Variants in KLHDC4 observed in about 807,000 individuals in gnomAD.
The protein encoded by KLHDC4 is kelch domain-containing protein 4.
A neutral mutation model predicts 62.4 loss-of-function variants in KLHDC4; 90 were observed. That is an observed-to-expected ratio of 1.44 (90% CI 1.22 to 1.72). The LOEUF (loss-of-function observed/expected upper bound fraction) is 1.72. Ranked by LOEUF, KLHDC4 falls within the 40% of genes most tolerant of loss-of-function variation. The pLI is 0.00. For missense variants in KLHDC4, 1,025 were observed against 699.7 expected (o/e 1.47, Z -5.25); for synonymous variants, 386 against 284.4 (o/e 1.36, Z -3.59).
chr16:87,746,566 G>C (rs529561420), intron 5 of KLHDC4, among the ~76,000 whole-genome samples: 1 of 152,162 alleles, frequency 6.6e-6, no homozygotes, highest in Non-Finnish European at 1.5e-5. Context: ...ACGTCTCAAA[G>C]CAATGCTCCG....
At chr16:87,731,332 A>T (rs937573489) in intron 5 of KLHDC4, among the ~76,000 whole-genome samples, 2 of 152,126 alleles carry the variant, frequency 1.3e-5, no homozygotes, top group Non-Finnish European at 2.9e-5. Flanking sequence ...TCAGACTCCC[A>T]AAGTGCTGAG....
At chr16:87,726,213 C>T (rs1210721593) in intron 7 of KLHDC4, among the ~76,000 whole-genome samples, 3 of 145,826 alleles carry the variant, frequency 2.1e-5, no homozygotes, top group East Asian at 2.0e-4. Flanking sequence ...GCGCCTCGCC[C>T]GTCTCCCCAC....
At chr16:87,760,686 T>C (rs1215845170) in intron 2 of KLHDC4, among the ~76,000 whole-genome samples, 1 of 151,018 alleles carries the variant, frequency 6.6e-6, no homozygotes, top group East Asian at 2.0e-4. Context: ...AGGAGTGCTA[T>C]ATATCAGAAG....
chr16:87,761,669 C>A (rs970332666), intron 2 of KLHDC4, among the ~76,000 whole-genome samples: 3 of 152,142 alleles, frequency 2.0e-5, no homozygotes, highest in Admixed American at 1.3e-4. Context: ...CTCACTGGGG[C>A]AAAACTTTCA....
intron 2 of KLHDC4, among the ~76,000 whole-genome samples, chr16:87,759,223 A>C (rs1796722099): frequency 6.6e-6 from 1 of 151,970 alleles, no homozygotes; most frequent in Admixed American, 6.6e-5. Flanking sequence ...ATTTTGTTAA[A>C]CATTTTACCA....
chr16:87,709,688 C>A, intron 9 of KLHDC4, 21 bp from the exon 10 acceptor site: 1 of 1,552,004 alleles, frequency 6.4e-7, no homozygotes, highest in South Asian at 1.2e-5. Flanking sequence ...ACCGAGGAAG[C>A]AGAGAGCAGC....
rs747770240 is a variant in KLHDC4 at position 87,709,635 on chromosome 16, C to G, written c.1077G>C (p.Arg359=). 4.5e-5 allele frequency: 73 copies of G among 1,606,384 alleles called. No individual in the cohort carries two copies. The highest frequency in any genetic ancestry group is 6.7e-5 in the African/African-American group (5 of 74,802). Residue 359 remains arginine (R), a synonymous_variant, in exon 10 of 12, where the codon CGG becomes CGC. Transcript: ENST00000270583. ...CACCTTCGGGCTCCTCTTTTCTGCCCCGCCTGCGTTTCTTCTTTTCAGACT... is the reference window on the plus strand; with the variant it reads ...CACCTTCGGGCTCCTCTTTTCTGCCGCGCCTGCGTTTCTTCTTTTCAGACT... ...GPKSEKKKRR[R]GRKEEPEGGS...
At chr16:87,703,300 C>T (rs1328500416), downstream of KLHDC4, 3 of 152,118 alleles carry the variant, frequency 2.0e-5, no homozygotes, top group South Asian at 2.1e-4. Context: ...GGTCCTGTCT[C>T]GCTGGCTCAC....
At chr16:87,700,372 A>G (rs1234728061) in exon 1 of KLHDC4, 1 of 155,252 alleles carries the variant, frequency 6.4e-6, no homozygotes, top group Non-Finnish European at 1.5e-5. Flanking sequence ...TCAGGACATC[A>G]TGATGCCGCC....
chr16:87,762,184 T>G (rs551478875), intron 1 of KLHDC4, 144 bp from the exon 2 acceptor site: 5 of 1,456,510 alleles, frequency 3.4e-6, no homozygotes, highest in African/African-American at 2.9e-5. Flanking sequence ...CTGTTTGAAA[T>G]GCAGAGTTTG....
chr16:87,743,926 G>A (rs2042631120), intron 5 of KLHDC4, among the ~76,000 whole-genome samples: 1 of 151,972 alleles, frequency 6.6e-6, no homozygotes, highest in African/African-American at 2.4e-5. Context: ...TGCTGTCACT[G>A]CCTAAATGCG....
intron 1 of KLHDC4, chr16:87,763,484 G>C (rs929915524): frequency 6.6e-6 from 1 of 152,188 alleles, no homozygotes; most frequent in Non-Finnish European, 1.5e-5. Context: ...CACACCTGTA[G>C]TCCCAAACTA....
chr16:87,706,344 G>T (rs1389870531), downstream of KLHDC4, among the ~76,000 whole-genome samples: 1 of 127,326 alleles, frequency 7.9e-6, no homozygotes, highest in Admixed American at 8.3e-5. Flanking sequence ...GGAAGTTGGC[G>T]CAATGCAAAC....
intron 5 of KLHDC4, among the ~76,000 whole-genome samples, chr16:87,741,855 C>G (rs1016167467): frequency 1.3e-5 from 2 of 152,214 alleles, no homozygotes; most frequent in Non-Finnish European, 2.9e-5. Context: ...AACCAACTCC[C>G]CCACAGAAGT....
At chr16:87,762,207 G>C in intron 1 of KLHDC4, 167 bp from the exon 2 acceptor site, 1 of 1,394,690 alleles carries the variant, frequency 7.2e-7, no homozygotes, top group African/African-American at 1.5e-5. Flanking sequence ...ACATTCGAAA[G>C]TAACCAGAGC....
chr16:87,728,392 G>GT (rs1675600411), intron 6 of KLHDC4, among the ~76,000 whole-genome samples: 1 of 152,118 alleles, frequency 6.6e-6, no homozygotes, highest in South Asian at 2.1e-4. Flanking sequence ...TACTTTGCAC[G>GT]TAAGATAAAT....
intron 7 of KLHDC4, among the ~76,000 whole-genome samples, chr16:87,724,313 A>C (rs1020981095): frequency 1.1e-4 from 17 of 152,226 alleles, no homozygotes; most frequent in Admixed American, 1.1e-3. Context: ...TACTGAAGCT[A>C]AACAAGGTCT....
chr16:87,705,373 C>T (rs773967517), downstream of KLHDC4, among the ~76,000 whole-genome samples: 5 of 152,248 alleles, frequency 3.3e-5, no homozygotes, highest in African/African-American at 7.2e-5. Flanking sequence ...GCGTCTCCCA[C>T]GGTTCCACAC....
chr16:87,698,401 G>C (rs2033992029), exon 1 of KLHDC4: 1 of 139,674 alleles, frequency 7.2e-6, no homozygotes. Flanking sequence ...GCTCTGTGCA[G>C]CTCTCACAAA....
Sources: gnomAD v4.1 joint callset for allele counts (sites outside exome capture counted in the v4.1 genomes callset) on GRCh38, gnomAD v4.1.1 for gene constraint, MANE v1.5 for transcripts, NCBI Gene and HGNC (gene_info 2026-07-23, HGNC 2026-07-21) for gene names.